Variants in L3MBTL4 observed in about 807,000 individuals in gnomAD.
The protein encoded by L3MBTL4 is lethal(3)malignant brain tumor-like protein 4.
L3MBTL4 carries 70 observed loss-of-function variants against 84.5 expected under a neutral mutation model. The observed-to-expected ratio is 0.83, with a 90% CI of 0.68 to 1.01. The LOEUF (loss-of-function observed/expected upper bound fraction) is 1.01, where lower values mean the gene tolerates loss of function less well. L3MBTL4 is among the 50% of genes least tolerant of loss of function. L3MBTL4 has a pLI of 0.00. For missense variants in L3MBTL4, 715 were observed against 754.8 expected (o/e 0.95, Z 0.62); for synonymous variants, 274 against 259.8 (o/e 1.05, Z -0.52).
chr18:6,039,023 C>T (rs2056283792), intron 16 of L3MBTL4, among the ~76,000 whole-genome samples: 1 of 151,942 alleles, frequency 6.6e-6, no homozygotes, highest in African/African-American at 2.4e-5. Context: ...CCCAACCTCC[C>T]TTCCTCCCTC....
At chr18:6,156,682 T>G (rs1374799407) in intron 13 of L3MBTL4, among the ~76,000 whole-genome samples, 2 of 152,192 alleles carry the variant, frequency 1.3e-5, no homozygotes, top group East Asian at 3.8e-4. Flanking sequence ...TAAATTGGGA[T>G]AGGGTGAGAA....
chr18:6,253,096 G>A (rs541698363), intron 5 of L3MBTL4, among the ~76,000 whole-genome samples: 3 of 152,170 alleles, frequency 2.0e-5, no homozygotes, highest in African/African-American at 7.2e-5. Flanking sequence ...CAGCTACTCG[G>A]GAGGCTGAGG....
intron 13 of L3MBTL4, among the ~76,000 whole-genome samples, chr18:6,171,606 A>G (rs1167576924): frequency 6.6e-6 from 1 of 152,246 alleles, no homozygotes; most frequent in Non-Finnish European, 1.5e-5. Flanking sequence ...CCTTTGGAAA[A>G]CACTATCAAA....
intron 12 of L3MBTL4, among the ~76,000 whole-genome samples, chr18:6,191,579 G>A (rs1488941177): frequency 6.6e-6 from 1 of 152,192 alleles, no homozygotes; most frequent in African/African-American, 2.4e-5. Context: ...GGAGTTTGCA[G>A]TTCATCAACA....
chr18:6,186,845 G>A (rs978578620), intron 12 of L3MBTL4, among the ~76,000 whole-genome samples: 1 of 152,214 alleles, frequency 6.6e-6, no homozygotes, highest in Admixed American at 6.5e-5. Flanking sequence ...AGATGTGGGG[G>A]CTGTGAGGGG....
intron 16 of L3MBTL4, among the ~76,000 whole-genome samples, chr18:6,018,712 T>A (rs1031969252): frequency 2.6e-5 from 4 of 152,222 alleles, no homozygotes; most frequent in African/African-American, 9.6e-5. Flanking sequence ...AACAGTAGCA[T>A]GAATTATTAG....
chr18:6,101,227 G>A (rs2143857699), intron 14 of L3MBTL4, among the ~76,000 whole-genome samples: 1 of 152,232 alleles, frequency 6.6e-6, no homozygotes, highest in African/African-American at 2.4e-5. Flanking sequence ...ACCAGTCCAG[G>A]ATATATGAGG....
intron 13 of L3MBTL4, among the ~76,000 whole-genome samples, chr18:6,151,374 C>T (rs948862045): frequency 5.9e-5 from 9 of 151,310 alleles, no homozygotes; most frequent in Admixed American, 5.9e-4. Context: ...GCAACTGCTA[C>T]AATTAATTTT....
At chr18:6,328,389 A>G (rs192041259) in intron 1 of L3MBTL4, among the ~76,000 whole-genome samples, 9 of 152,324 alleles carry the variant, frequency 5.9e-5, no homozygotes, top group African/African-American at 2.2e-4. Flanking sequence ...AGAAGGACAG[A>G]CTATACTCAT....
chr18:6,136,728 T>A (rs1350469881), intron 14 of L3MBTL4, among the ~76,000 whole-genome samples: 1 of 152,208 alleles, frequency 6.6e-6, no homozygotes, highest in Non-Finnish European at 1.5e-5. Flanking sequence ...TGAGGCCCTG[T>A]GCTTGGGTGT....
At chr18:6,377,045 C>T (rs2054398605) in intron 1 of L3MBTL4, among the ~76,000 whole-genome samples, 1 of 152,118 alleles carries the variant, frequency 6.6e-6, no homozygotes, top group African/African-American at 2.4e-5. Flanking sequence ...GGGCACGGAG[C>T]ACAAACAGGA....
At chr18:6,346,605 A>G (rs1223384332) in intron 1 of L3MBTL4, among the ~76,000 whole-genome samples, 3 of 152,154 alleles carry the variant, frequency 2.0e-5, no homozygotes, top group Non-Finnish European at 4.4e-5. Context: ...GCTCAGCATT[A>G]CTAATCATCA....
At chr18:6,361,908 G>A (rs1054561493) in intron 1 of L3MBTL4, among the ~76,000 whole-genome samples, 1 of 151,972 alleles carries the variant, frequency 6.6e-6, no homozygotes, top group African/African-American at 2.4e-5. Flanking sequence ...TTGACTCCAA[G>A]AGTTTGAGAC....
In L3MBTL4 at chr18:6,311,775, T is replaced by C. The variant is rs146556420; in HGVS notation, c.-31-119A>G. On this transcript the variant is annotated intron_variant, in intron 2 of 18. Transcript: ENST00000317931. ...TCATAGTTGGTTACTATAAATAACC[T>C]GATAAGTTGACAAAAACTTTGCAAT... is the stretch of plus-strand genomic sequence containing the variant. The C allele has an allele frequency of 1.3e-3, 843 of 629,148 alleles. 7 individuals carry two copies. The Admixed American group carries it at 0.015, about 11-fold the overall frequency. The allele number at this position is 629,148 out of a possible 1,614,324, so 39.0% of individuals were successfully genotyped here.
chr18:6,262,264 C>A (rs924355743), intron 5 of L3MBTL4, among the ~76,000 whole-genome samples: 12 of 152,280 alleles, frequency 7.9e-5, no homozygotes, highest in African/African-American at 2.9e-4. Flanking sequence ...TGACTGTGAG[C>A]TACACTGAAC....
chr18:6,164,613 G>C (rs2043546753), intron 13 of L3MBTL4, among the ~76,000 whole-genome samples: 1 of 152,232 alleles, frequency 6.6e-6, no homozygotes, highest in Non-Finnish European at 1.5e-5. Flanking sequence ...ACTTGCAGCT[G>C]AGGGTCCTGA....
intron 1 of L3MBTL4, chr18:6,395,714 A>C (rs1354176988): frequency 1.3e-5 from 2 of 152,202 alleles, no homozygotes; most frequent in African/African-American, 4.8e-5. Flanking sequence ...ATGGAGATGC[A>C]GCTAGCATTT....
At chr18:6,023,018 G>A (rs1452596555) in intron 16 of L3MBTL4, among the ~76,000 whole-genome samples, 2 of 152,210 alleles carry the variant, frequency 1.3e-5, no homozygotes, top group Admixed American at 1.3e-4. Context: ...TAAAACAAGG[G>A]CCTGTGGGAT....
chr18:6,344,833 A>AC (rs2052796569), intron 1 of L3MBTL4, among the ~76,000 whole-genome samples: 1 of 151,970 alleles, frequency 6.6e-6, no homozygotes, highest in East Asian at 1.9e-4. Context: ...TTAAAAAAAA[A>AC]CTCTCAACAA....
Sources: gnomAD v4.1 joint callset for allele counts (sites outside exome capture counted in the v4.1 genomes callset) on GRCh38, gnomAD v4.1.1 for gene constraint, MANE v1.5 for transcripts, NCBI Gene and HGNC (gene_info 2026-07-23, HGNC 2026-07-21) for gene names.